PARD3B: variants seen among roughly 807,000 people sequenced by gnomAD.
PARD3B encodes partitioning defective 3 homolog B.
Under a neutral mutation model 130.2 loss-of-function variants are expected in PARD3B, and 103 were observed. The ratio of observed to expected loss-of-function variants is 0.79; its 90% CI spans 0.67 to 0.93. PARD3B has a LOEUF of 0.93. Ranked by LOEUF, PARD3B falls within the 40% of genes least tolerant of loss-of-function variation. The pLI, the probability that PARD3B is intolerant of heterozygous loss-of-function variation, is 0.00. For synonymous variants in PARD3B, 583 were observed against 553.2 expected (o/e 1.05, Z -0.76); for missense variants, 1,609 against 1,499.2 (o/e 1.07, Z -1.21).
Position 205,244,310 on chromosome 2 carries a change from C to T in PARD3B, c.2141-1468C>T, listed in dbSNP as rs1168450334. Among the ~76,000 whole-genome samples, 1 of 152,110 alleles carries T rather than the reference C, an allele frequency of 6.6e-6. No individual in the cohort carries two copies. Among genetic ancestry groups the T allele is most frequent in the African/African-American group, 2.4e-5 (1 of 41,426 alleles). ...AGATTCTTCTTGTTAGCAAATTTCC[C>T]CTCGCCTTGCTTCAACCCTTGAGAC... On this transcript the variant is annotated intron_variant, in intron 15 of 22. Transcript: ENST00000406610. This position sits in a 1 kb window ranked among gnomAD's most constrained non-coding sequence, Gnocchi z 4.7.
At chr2:205,256,697 T>C (rs189405244) in intron 16 of PARD3B, among the ~76,000 whole-genome samples, 7 of 152,188 alleles carry the variant, frequency 4.6e-5, no homozygotes, top group African/African-American at 1.7e-4. Context: ...AATAGAAATA[T>C]TGTACAAATG....
intron 5 of PARD3B, among the ~76,000 whole-genome samples, chr2:205,109,285 A>C (rs902626539): frequency 6.6e-6 from 1 of 152,214 alleles, no homozygotes; most frequent in Non-Finnish European, 1.5e-5. Flanking sequence ...CGCCTCTCAT[A>C]CTATTGCATG....
intron 3 of PARD3B, among the ~76,000 whole-genome samples, chr2:205,043,946 T>A (rs1698564903): frequency 7.8e-6 from 1 of 128,428 alleles, no homozygotes; most frequent in Non-Finnish European, 1.6e-5. Context: ...CCCAATGCTA[T>A]CCCTCCCCCC....
chr2:204,871,643 G>A (rs2045634321), intron 2 of PARD3B, among the ~76,000 whole-genome samples: 2 of 152,076 alleles, frequency 1.3e-5, no homozygotes, highest in Admixed American at 6.6e-5. Flanking sequence ...TTTTTAATCA[G>A]TGTTAATTGA....
At chr2:204,990,314 T>C (rs1020548321) in intron 3 of PARD3B, among the ~76,000 whole-genome samples, 10 of 152,130 alleles carry the variant, frequency 6.6e-5, no homozygotes, top group Non-Finnish European at 1.0e-4. Flanking sequence ...ACATGTGATA[T>C]TTGATATATG....
At chr2:205,580,372 T>C (rs72937807) in intron 22 of PARD3B, among the ~76,000 whole-genome samples, 8,176 of 152,276 alleles carry the variant, frequency 0.054, 329 homozygotes, top group Non-Finnish European at 0.081. Context: ...TTCATGCTTA[T>C]AATAAAACGG....
chr2:204,553,675 TATATATATATATATATATATAC>T (rs1186972076), intron 1 of PARD3B, among the ~76,000 whole-genome samples: 122 of 119,578 alleles, frequency 1.0e-3, no homozygotes, highest in African/African-American at 4.7e-3. Context: ...TATATATATA[TATATATATATATATATATATAC>T]ACACATATAT....
At chr2:205,489,965 G>A (rs147416537) in intron 20 of PARD3B, among the ~76,000 whole-genome samples, 1 of 152,208 alleles carries the variant, frequency 6.6e-6, no homozygotes, top group Non-Finnish European at 1.5e-5. Flanking sequence ...ATCTGGTGAC[G>A]ATTCTCAGTC....
intron 10 of PARD3B, among the ~76,000 whole-genome samples, chr2:205,148,823 C>T (rs932926561): frequency 2.0e-5 from 3 of 152,032 alleles, no homozygotes; most frequent in Admixed American, 2.0e-4. Context: ...AAGCTGCTCA[C>T]AACACAGACT....
intron 4 of PARD3B, among the ~76,000 whole-genome samples, chr2:205,058,433 T>C (rs1259463401): frequency 6.6e-6 from 1 of 151,980 alleles, no homozygotes; most frequent in Non-Finnish European, 1.5e-5. Flanking sequence ...GACTCTGCTT[T>C]CATTTCTTTC....
Position 205,616,053 on chromosome 2 carries a change from T to G in PARD3B, c.*240T>G. ...GGGCTATAAAAACAAAACTACCTGA[T>G]AGTTGAAACGCTTTCAGAGTTGTTC... On this transcript the variant is annotated 3_prime_UTR_variant, in exon 23 of 23. Transcript: ENST00000406610. The G allele has an allele frequency of 2.0e-6, 1 of 512,648 alleles. No individual in the cohort carries two copies. The highest frequency in any genetic ancestry group is 3.4e-6 in the Non-Finnish European group (1 of 291,288). The allele number at this position is 512,648 out of a possible 1,614,324, so 31.8% of individuals were successfully genotyped here.
intron 19 of PARD3B, among the ~76,000 whole-genome samples, chr2:205,423,739 C>T (rs909107475): frequency 6.6e-6 from 1 of 152,060 alleles, no homozygotes; most frequent in Admixed American, 6.6e-5. Flanking sequence ...ACCTATACAC[C>T]GTGGAATACT....
chr2:204,556,872 T>G (rs1285250897), intron 1 of PARD3B, among the ~76,000 whole-genome samples: 1 of 152,146 alleles, frequency 6.6e-6, no homozygotes, highest in Non-Finnish European at 1.5e-5. Flanking sequence ...TATGCTGGTT[T>G]TCACACATTC....
intron 21 of PARD3B, among the ~76,000 whole-genome samples, chr2:205,549,623 C>A (rs1255243560): frequency 6.6e-6 from 1 of 152,038 alleles, no homozygotes; most frequent in African/African-American, 2.4e-5. Context: ...TTACCAGGAC[C>A]TGGGGGAAGG....
At chr2:205,084,862 A>G (rs1701645774) in intron 4 of PARD3B, among the ~76,000 whole-genome samples, 1 of 151,966 alleles carries the variant, frequency 6.6e-6, no homozygotes, top group East Asian at 1.9e-4. Context: ...CTTTCCTTAT[A>G]AGAATAAATA....
At chr2:204,718,807 C>T (rs1403850113) in intron 2 of PARD3B, among the ~76,000 whole-genome samples, 1 of 152,184 alleles carries the variant, frequency 6.6e-6, no homozygotes, top group East Asian at 1.9e-4. Flanking sequence ...ATATGTGTAT[C>T]CCTGAGCAAT....
At chr2:204,644,178 C>T (rs1277174718) in intron 1 of PARD3B, among the ~76,000 whole-genome samples, 1 of 151,890 alleles carries the variant, frequency 6.6e-6, no homozygotes, top group Non-Finnish European at 1.5e-5. Context: ...TAAAACCCAG[C>T]CATGTTACAC....
intron 2 of PARD3B, among the ~76,000 whole-genome samples, chr2:204,760,762 G>A (rs908784262): frequency 6.6e-5 from 10 of 152,164 alleles, no homozygotes; most frequent in African/African-American, 1.2e-4. Flanking sequence ...TTTACTTTTC[G>A]TAGGTGAAAG....
chr2:205,606,896 G>C (rs1486904764), intron 22 of PARD3B, among the ~76,000 whole-genome samples: 1 of 152,084 alleles, frequency 6.6e-6, no homozygotes, highest in Non-Finnish European at 1.5e-5. Context: ...ACCTGCATCA[G>C]AATCACCTGG....
Sources: gnomAD v4.1 joint callset for allele counts (sites outside exome capture counted in the v4.1 genomes callset) on GRCh38, gnomAD v4.1.1 for gene constraint, Gnocchi (gnomAD v3.1) non-coding constraint, MANE v1.5 for transcripts, NCBI Gene and HGNC (gene_info 2026-07-23, HGNC 2026-07-21) for gene names.